The following MPST variants were observed in gnomAD, a reference collection of about 807,000 sequenced individuals.
MPST encodes the protein 3-mercaptopyruvate sulfurtransferase.
MPST carries 27 observed loss-of-function variants against 28.5 expected under a neutral mutation model. That is an observed-to-expected ratio of 0.95 (90% confidence interval 0.70 to 1.31). MPST has a LOEUF of 1.31. Among genes scored for constraint, MPST ranks in the 50% most tolerant of loss-of-function variants. The probability of loss-of-function intolerance (pLI) is 0.00; values close to 1 mark genes in which losing one functional copy is unlikely to be tolerated. For missense variants in MPST, 492 were observed against 471.1 expected, an observed-to-expected ratio of 1.04 and a Z score of -0.41; for synonymous variants, 204 against 209.3, an observed-to-expected ratio of 0.97 and a Z score of 0.22.
At chr22:37,025,158 T>C (rs1302706415) in intron 2 of MPST, 1 of 1,337,982 alleles carries the variant, frequency 7.5e-7, no homozygotes, top group Admixed American at 2.4e-5. Flanking sequence ...TCCACTTGCC[T>C]CGGTGACTTT....
At chr22:37,023,804 G>A (rs1417602849) in intron 1 of MPST, 1 of 1,225,702 alleles carries the variant, frequency 8.2e-7, no homozygotes, top group Non-Finnish European at 1.0e-6. Context: ...TCTGGGACTT[G>A]GTTGCAAATA....
Position 37,023,781 on chromosome 22 carries a change from T to A in MPST, c.37-411T>A, listed in dbSNP as rs1174488700. On this transcript the variant is annotated intron_variant, in intron 1 of 2. Coordinates refer to ENST00000429360, the MANE Select transcript of MPST (RefSeq NM_021126.8). Reference sequence around the variant, plus strand: ...CCAATATAAATGCTTGATGAGTGAATGAATGACTTCCGTCTGGGACTTGGT... The same window carrying A: ...CCAATATAAATGCTTGATGAGTGAAAGAATGACTTCCGTCTGGGACTTGGT... The A allele has an allele frequency of 5.9e-6, 7 of 1,178,354 alleles. No individual in the cohort carries two copies. In the African/African-American group the frequency reaches 6.5e-5, roughly 11 times the overall value. The allele number at this position is 1,178,354 out of a possible 1,614,324, so 73.0% of individuals were successfully genotyped here.
chr22:37,020,479 C>T (rs1922988265), intron 1 of MPST, among the ~76,000 whole-genome samples: 1 of 152,150 alleles, frequency 6.6e-6, no homozygotes, highest in African/African-American at 2.4e-5. Flanking sequence ...TTGAACTTAG[C>T]CCGTTTAATC....
Position 37,024,596 on chromosome 22 carries a change from G to T in MPST, c.441G>T (p.Leu147=). ...CCTTCGGCCACCACGCCGTGTCACT[G>T]CTTGATGGCGGCCTCCGCCACTGGC... is the stretch of plus-strand genomic sequence containing the variant. The part of the protein sequence containing the change: ...FRAFGHHAVS[L]LDGGLRHWLR... The change falls in exon 2 of 3, where the codon CTG becomes CTT. Residue 147 remains leucine (L), a synonymous_variant. Transcript: ENST00000429360. The T allele has an allele frequency of 6.3e-7, 1 of 1,595,692 alleles. No homozygotes were observed. Among genetic ancestry groups the T allele is most frequent in the African/African-American group, 1.3e-5 (1 of 74,914 alleles).
chr22:37,024,430 A>G lies in MPST; in HGVS notation c.275A>G (p.Tyr92Cys). ...CAGTGCAGCGACCGCACCTCGCCCT[A>G]CGACCACATGCTGCCCGGGGCCGAG... is the stretch of plus-strand genomic sequence containing the variant. Reference protein sequence around the residue: ...IDQCSDRTSPYDHMLPGAEHF... With the variant: ...IDQCSDRTSPCDHMLPGAEHF... Residue 92 changes from tyrosine to cysteine, a missense_variant, in exon 2 of 3, where the codon TAC becomes TGC. Physicochemically the swap from Tyr to Cys is radical, Grantham distance 194 (BLOSUM62 -2). Coordinates refer to ENST00000429360, the MANE Select transcript of MPST (RefSeq NM_021126.8). 1 of 1,544,036 alleles carries G rather than the reference A, an allele frequency of 6.5e-7. No individual in the cohort carries two copies. The highest frequency in any genetic ancestry group is 1.2e-5 in the South Asian group (1 of 84,138).
At position 37,019,815 on chromosome 22, in the gene MPST, G is replaced by T; in HGVS notation, c.-22G>T. The stretch of plus-strand genomic sequence containing the variant: ...AGGGGACAGCTGCGGGCGCGGGGAG[G>T]GGGCGCCGCGCCGCGGGGGCCATGG... On this transcript the variant is annotated 5_prime_UTR_variant, in exon 1 of 3. Transcript: ENST00000429360. The T allele has an allele frequency of 8.5e-7, 1 of 1,172,422 alleles. No individual in the cohort carries two copies. The highest frequency in any genetic ancestry group is 4.3e-5 in the South Asian group (1 of 23,236). The allele number at this position is 1,172,422 out of a possible 1,614,324, so 72.6% of individuals were successfully genotyped here.
chr22:37,024,660 C>A lies in MPST; in HGVS notation c.505C>A (p.Pro169Thr). The A allele has an allele frequency of 6.3e-7, 1 of 1,598,840 alleles. No individual in the cohort carries two copies. Residue 169 changes from proline to threonine, a missense_variant, in exon 2 of 3, where the codon CCT (proline) becomes ACT (threonine). Coordinates refer to ENST00000429360, the MANE Select transcript of MPST (RefSeq NM_021126.8). ...NLPLSSGKSQ[P>T]APAEFRAQLD... is the part of the protein sequence containing the mutation. ...CCCGCTCAGCTCCGGCAAGAGCCAA[C>A]CTGCTCCCGCCGAGTTCCGCGCTCA...
Position 37,029,505 on chromosome 22 carries a change from G to C in MPST, c.945G>C (p.Lys315Asn). 1.2e-6 allele frequency: 2 copies of C among 1,602,982 alleles called. No individual in the cohort carries two copies. The highest frequency in any genetic ancestry group is 2.7e-5 in the African/African-American group (2 of 74,814). ...PEDVISEGRG[K>N]TH ...ATGTCATCTCAGAGGGCCGGGGGAA[G>C]ACCCACTGAAGCTGGGCAGGACACA... The change falls in exon 3 of 3, where the codon AAG (lysine) becomes AAC (asparagine). Residue 315 changes from lysine (K) to asparagine (N), a missense_variant. Coordinates refer to ENST00000429360, the MANE Select transcript of MPST (RefSeq NM_021126.8).
intron 1 of MPST, chr22:37,023,895 A>T (rs1049090443): frequency 8.0e-6 from 12 of 1,495,616 alleles, no homozygotes; most frequent in Non-Finnish European, 1.1e-5. Flanking sequence ...GCCCTAGGAT[A>T]CCTCCACCCA....
intron 1 of MPST, among the ~76,000 whole-genome samples, chr22:37,021,877 C>T (rs1477677724): frequency 1.3e-5 from 2 of 152,062 alleles, no homozygotes; most frequent in South Asian, 2.1e-4. Flanking sequence ...GTGAGAAGCT[C>T]CATTATAAGG....
At chr22:37,029,080 TAAATG>T in intron 2 of MPST, 131 bp from the exon 3 acceptor site, 3 of 814,856 alleles carry the variant, frequency 3.7e-6, no homozygotes, top group Non-Finnish European at 5.7e-6. Flanking sequence ...TTGTGAGAAT[TAAATG>T]AGATGGTGGA....
At chr22:37,020,453 T>TA (rs1263690594) in intron 1 of MPST, among the ~76,000 whole-genome samples, 1 of 152,170 alleles carries the variant, frequency 6.6e-6, no homozygotes, top group African/African-American at 2.4e-5. Flanking sequence ...TCATGCTTTT[T>TA]AAAAAATTGC....
At chr22:37,028,735 A>T (rs996795355) in intron 2 of MPST, 3 of 157,002 alleles carry the variant, frequency 1.9e-5, no homozygotes, top group African/African-American at 7.3e-5. Flanking sequence ...AATATCAGCT[A>T]TTGCTGTTAC....
At chr22:37,025,935 C>T (rs146414748) in intron 2 of MPST, 1 of 152,340 alleles carries the variant, frequency 6.6e-6, no homozygotes, top group East Asian at 1.9e-4. Flanking sequence ...TGAAGATTAG[C>T]TCAGTACCTG....
At chr22:37,022,010 G>A in intron 1 of MPST, among the ~76,000 whole-genome samples, 1 of 152,226 alleles carries the variant, frequency 6.6e-6, no homozygotes, top group East Asian at 1.9e-4. Flanking sequence ...TACTGTAAAT[G>A]GATGATTGGG....
At chr22:37,025,557 A>T (rs184541349) in intron 2 of MPST, 1,987 of 168,652 alleles carry the variant, frequency 0.012, 23 homozygotes, top group Non-Finnish European at 0.018. Flanking sequence ...GTATAATGCG[A>T]GGAGGAGTCC....
At chr22:37,020,326 G>A (rs1171860232) in intron 1 of MPST, 1 of 154,216 alleles carries the variant, frequency 6.5e-6, no homozygotes, top group Non-Finnish European at 1.4e-5. Context: ...TAAGACAGGA[G>A]AGAGCGGCAG....
chr22:37,026,031 G>A (rs1252377597), intron 2 of MPST: 1 of 152,194 alleles, frequency 6.6e-6, no homozygotes, highest in Non-Finnish European at 1.5e-5. Context: ...TGGTGTTACC[G>A]GAACCATAGG....
Position 37,025,057 on chromosome 22 carries a change from G to A in MPST, c.655+247G>A, listed in dbSNP as rs1029822657. ...AGTGGCACAATCATGGCTCACTGCA[G>A]CCTCAACCTCCTGGGCTCAGGTGAC... is the stretch of plus-strand genomic sequence containing the variant. On this transcript the variant is annotated intron_variant, in intron 2 of 2. Coordinates refer to ENST00000429360, the MANE Select transcript of MPST (RefSeq NM_021126.8). 1.5e-5 allele frequency: 22 copies of A among 1,511,148 alleles called. No individual in the cohort carries two copies. The Admixed American group carries it at 3.8e-4, about 26-fold the overall frequency. The allele number at this position is 1,511,148 out of a possible 1,614,324, so 93.6% of individuals were successfully genotyped here.
Sources: allele counts gnomAD v4.1 joint callset (sites outside exome capture counted in the v4.1 genomes callset), GRCh38; gene constraint gnomAD v4.1.1; transcripts MANE v1.5; gene names NCBI Gene and HGNC (gene_info 2026-07-23, HGNC 2026-07-21).